TSPEAR: variants seen among roughly 807,000 people sequenced by gnomAD.
TSPEAR encodes the protein thrombospondin-type laminin G domain and EAR repeat-containing protein.
A neutral mutation model predicts 71.6 loss-of-function variants in TSPEAR; 69 were observed. That is an observed-to-expected ratio of 0.96 (90% CI 0.79 to 1.18). The LOEUF (loss-of-function observed/expected upper bound fraction) is 1.18, where lower values mean the gene tolerates loss of function less well. TSPEAR is among the 50% of genes most tolerant of loss of function. The pLI, the probability that TSPEAR is intolerant of heterozygous loss-of-function variation, is 0.00. For synonymous variants in TSPEAR, 402 were observed against 387.2 expected (o/e 1.04, Z -0.45); for missense variants, 971 against 894.9 (o/e 1.09, Z -1.09).
chr21:44,702,369 C>T, intron 1 of TSPEAR: 1 of 1,609,762 alleles, frequency 6.2e-7, no homozygotes, highest in South Asian at 1.1e-5. Flanking sequence ...GCCCCTGCTG[C>T]CAGGCAGCCT....
chr21:44,575,021 C>T, intron 1 of TSPEAR: 1 of 1,593,782 alleles, frequency 6.3e-7, no homozygotes, highest in Non-Finnish European at 8.6e-7. Flanking sequence ...AGAAGCCCAG[C>T]TGCTGATGGA....
intron 1 of TSPEAR, chr21:44,702,188 G>T (rs1385057859): frequency 3.3e-6 from 5 of 1,526,506 alleles, no homozygotes; most frequent in Non-Finnish European, 4.4e-6. Context: ...ACCCCACAGA[G>T]CAAAAGCTCC....
intron 1 of TSPEAR, among the ~76,000 whole-genome samples, chr21:44,639,371 A>T (rs1601517968): frequency 6.6e-6 from 1 of 152,188 alleles, no homozygotes; most frequent in East Asian, 1.9e-4. Context: ...CGTGTCAATG[A>T]CAGAGGCCGC....
At chr21:44,583,344 T>G (rs1298862880) in intron 1 of TSPEAR, among the ~76,000 whole-genome samples, 1 of 152,238 alleles carries the variant, frequency 6.6e-6, no homozygotes, top group African/African-American at 2.4e-5. Flanking sequence ...TTGTTTTATT[T>G]GACTCCCTTT....
At chr21:44,628,742 G>T (rs868926728) in intron 1 of TSPEAR, among the ~76,000 whole-genome samples, 2 of 152,168 alleles carry the variant, frequency 1.3e-5, no homozygotes, top group African/African-American at 4.8e-5. Flanking sequence ...CGGGCGGTGG[G>T]GGGTGGGTGT....
chr21:44,677,239 G>A (rs1986357953), intron 1 of TSPEAR: 1 of 719,990 alleles, frequency 1.4e-6, no homozygotes, highest in Non-Finnish European at 2.6e-6. Context: ...TTGGCTTTGA[G>A]AAGGGCATTG....
chr21:44,703,913 A>G (rs1555951893), intron 1 of TSPEAR, among the ~76,000 whole-genome samples: 1 of 152,146 alleles, frequency 6.6e-6, no homozygotes, highest in Non-Finnish European at 1.5e-5. Context: ...CCCCAGCTGC[A>G]GTGGAGCTGG....
At chr21:44,510,379 C>T (rs781940889) in intron 9 of TSPEAR, among the ~76,000 whole-genome samples, 36 of 152,330 alleles carry the variant, frequency 2.4e-4, no homozygotes, top group Admixed American at 4.6e-4. Flanking sequence ...ATTGCACCAC[C>T]GGGCCAGGTA....
chr21:44,591,684 C>G, intron 1 of TSPEAR: 1 of 1,576,932 alleles, frequency 6.3e-7, no homozygotes. Context: ...AGCAGGCGTG[C>G]TGGCAGGGGG....
chr21:44,584,638 C>T (rs1979223898), intron 1 of TSPEAR, among the ~76,000 whole-genome samples: 1 of 152,062 alleles, frequency 6.6e-6, no homozygotes, highest in Non-Finnish European at 1.5e-5. Flanking sequence ...CACAATTATT[C>T]CTGGTTTTGG....
intron 1 of TSPEAR, among the ~76,000 whole-genome samples, chr21:44,668,856 C>T (rs1985917403): frequency 6.6e-6 from 1 of 152,180 alleles, no homozygotes; most frequent in African/African-American, 2.4e-5. Context: ...TTATTTTTAA[C>T]CCTTACCTCA....
intron 7 of TSPEAR, among the ~76,000 whole-genome samples, chr21:44,526,525 G>C (rs376974906): frequency 4.0e-5 from 6 of 150,838 alleles, no homozygotes; most frequent in Non-Finnish European, 8.8e-5. Flanking sequence ...TTATTCACCC[G>C]CCATGCTGGA....
rs587664545 is a variant in TSPEAR, at chr21:44,680,238, T to C, written c.82+31195A>G. ...TTAATAAATGGGCAAAGCACCTGAATAGGCATCTCTCAAAAGAAGACATAC... is the reference window on the plus strand; with the variant it reads ...TTAATAAATGGGCAAAGCACCTGAACAGGCATCTCTCAAAAGAAGACATAC... On this transcript the variant is annotated intron_variant, in intron 1 of 11. Transcript: ENST00000323084. Among the ~76,000 whole-genome samples the C allele has an allele frequency of 2.0e-5, 3 of 152,152 alleles. 1 individual carries two copies. In the East Asian group the frequency reaches 5.8e-4, roughly 29 times the overall value.
intron 1 of TSPEAR, chr21:44,654,802 G>T: frequency 1.8e-6 from 1 of 564,696 alleles, no homozygotes; most frequent in Admixed American, 3.0e-5. Flanking sequence ...AGGTTACTCA[G>T]TTCAGGAAAC....
intron 2 of TSPEAR, among the ~76,000 whole-genome samples, chr21:44,565,505 A>G (rs1288059133): frequency 1.3e-5 from 2 of 152,222 alleles, no homozygotes; most frequent in African/African-American, 2.4e-5. Context: ...ACATAAAAGA[A>G]GAGTTATACA....
intron 8 of TSPEAR, 147 bp from the exon 9 acceptor site, chr21:44,522,259 AC>A (rs1555914400): frequency 1.4e-6 from 1 of 702,828 alleles, no homozygotes; most frequent in African/African-American, 1.8e-5. Flanking sequence ...ATCCTTTCTT[AC>A]CTTGAGCCTC....
intron 9 of TSPEAR, chr21:44,516,395 T>G (rs895052107): frequency 1.3e-5 from 2 of 152,392 alleles, no homozygotes; most frequent in Non-Finnish European, 2.9e-5. Context: ...TCCTCCTCAG[T>G]GGGTGCTGCT....
At chr21:44,583,224 G>C (rs587633000) in intron 1 of TSPEAR, among the ~76,000 whole-genome samples, 1 of 152,220 alleles carries the variant, frequency 6.6e-6, no homozygotes, top group Non-Finnish European at 1.5e-5. Context: ...GCCCTGGCTG[G>C]GGGAGGGAGG....
At chr21:44,673,657 C>T (rs1226192416) in intron 1 of TSPEAR, among the ~76,000 whole-genome samples, 5 of 152,186 alleles carry the variant, frequency 3.3e-5, no homozygotes, top group African/African-American at 9.7e-5. Flanking sequence ...CTGCAGAATA[C>T]ACATTCTTCT....
Sources: allele counts gnomAD v4.1 joint callset (sites outside exome capture counted in the v4.1 genomes callset), GRCh38; gene constraint gnomAD v4.1.1; transcripts MANE v1.5; gene names NCBI Gene and HGNC (gene_info 2026-07-23, HGNC 2026-07-21).